The following GRID2IP variants were observed in gnomAD, a reference collection of about 807,000 sequenced individuals.
The protein encoded by GRID2IP is delphilin.
GRID2IP carries 78 observed loss-of-function variants against 114.3 expected under a neutral mutation model. The ratio of observed to expected loss-of-function variants is 0.68; its 90% CI spans 0.57 to 0.82. The LOEUF is 0.82. Ranked by LOEUF, GRID2IP falls within the 40% of genes least tolerant of loss-of-function variation. The pLI is 0.00. For synonymous variants in GRID2IP, 809 were observed against 724.0 expected, an observed-to-expected ratio of 1.12 and a Z score of -1.89; for missense variants, 1,727 against 1,678.5, an observed-to-expected ratio of 1.03 and a Z score of -0.51.
At position 6,536,803 on chromosome 7, in the gene GRID2IP, C is replaced by G. The variant is rs968962827; in HGVS notation, c.584+2915G>C. ...TCCTTTTTTCCCCTCTTCTGATTCT[C>G]CTAGCAAGGGGCTCACCCCTTACTC... On this transcript the variant is annotated intron_variant, in intron 2 of 21. Coordinates refer to ENST00000457091, the MANE Select transcript of GRID2IP (RefSeq NM_001145118.2). This position sits in a 1 kb window ranked among gnomAD's most constrained non-coding sequence, Gnocchi z 5.3. 1.4e-6 allele frequency: 1 copy of G among 702,576 alleles called. No individual in the cohort carries two copies. Among genetic ancestry groups the G allele is most frequent in the South Asian group, 1.5e-5 (1 of 67,594 alleles). The allele number at this position is 702,576 out of a possible 1,614,324, so 43.5% of individuals were successfully genotyped here.
In GRID2IP at chr7:6,532,329, G is replaced by T. The variant is rs2881724; in HGVS notation, c.585-5560C>A. 3.9e-5 allele frequency among the ~76,000 whole-genome samples: 6 copies of T among 152,028 alleles called. No homozygotes were observed. The highest frequency in any genetic ancestry group is 7.2e-5 in the African/African-American group (3 of 41,414). On this transcript the variant is annotated intron_variant, in intron 2 of 21. Coordinates refer to ENST00000457091, the MANE Select transcript of GRID2IP (RefSeq NM_001145118.2). The surrounding 1 kb of genome is among the most constrained non-coding windows in gnomAD (Gnocchi z 4.4). ...CCTCTCCAAAGACAGGCGGGAACAG[G>T]AGAGGCAAGATGCCCCGGGGACTTT...
At position 6,508,306 on chromosome 7, in the gene GRID2IP, G is replaced by T. The variant is rs1170124871; in HGVS notation, c.2223C>A (p.Thr741=). 2 of 1,550,432 alleles carry T rather than the reference G, an allele frequency of 1.3e-6. No homozygotes were observed. The highest frequency in any genetic ancestry group is 4.9e-5 in the East Asian group (2 of 40,918). The stretch of plus-strand genomic sequence containing the variant: ...GGATGTGGTCAGAGATGGAGGAGTA[G>T]GTCAGGGAGCTGCCTTCTTCACTGC... The part of the protein sequence containing the change: ...ISSSEEGSSL[T]YSSISDHIPP... The change falls in exon 13 of 22, where the codon ACC becomes ACA. Residue 741 remains threonine, a synonymous_variant. Coordinates refer to ENST00000457091, the MANE Select transcript of GRID2IP (RefSeq NM_001145118.2). The surrounding 1 kb of genome is among the most constrained non-coding windows in gnomAD (Gnocchi z 5.6).
intron 17 of GRID2IP, 53 bp from the exon 18 acceptor site, chr7:6,502,925 C>G: frequency 6.5e-7 from 1 of 1,545,152 alleles, no homozygotes; most frequent in Non-Finnish European, 8.8e-7. Flanking sequence ...CCCATCCACC[C>G]TGCTGTCTGG....
chr7:6,497,798 C>A lies in GRID2IP; in HGVS notation c.3612G>T (p.Gly1204=), dbSNP rs1786298059. The A allele has an allele frequency of 6.5e-7, 1 of 1,550,246 alleles. No individual in the cohort carries two copies. The highest frequency in any genetic ancestry group is 8.7e-7 in the Non-Finnish European group (1 of 1,146,826). ...GTCACCAGGCCAGGGGTGAAACCAT[C>A]CCGGAGCTGCGCAGGCCCTCCCCGG... is the stretch of plus-strand genomic sequence containing the variant. The part of the protein sequence containing the change: ...LQAGEGLRSS[G]MVSPLAW The change falls in exon 22 of 22, where the codon GGG becomes GGT. Residue 1204 remains glycine, a synonymous_variant. Coordinates refer to ENST00000457091, the MANE Select transcript of GRID2IP (RefSeq NM_001145118.2).
intron 11 of GRID2IP, among the ~76,000 whole-genome samples, 185 bp downstream of exon 11, chr7:6,510,098 G>A (rs1055005700): frequency 6.6e-6 from 1 of 152,164 alleles, no homozygotes; most frequent in Non-Finnish European, 1.5e-5. Flanking sequence ...CCAAAGTGCT[G>A]GGATTACAGG....
At chr7:6,517,775 C>T (rs1366845694) in intron 7 of GRID2IP, among the ~76,000 whole-genome samples, 1 of 151,652 alleles carries the variant, frequency 6.6e-6, no homozygotes, top group African/African-American at 2.4e-5. Context: ...TGGTGGTGGG[C>T]GCCTGTAATC....
chr7:6,512,164 G>A (rs1347951756), intron 8 of GRID2IP, among the ~76,000 whole-genome samples: 1 of 148,404 alleles, frequency 6.7e-6, no homozygotes, highest in Non-Finnish European at 1.5e-5. Context: ...TGATCCACCT[G>A]CCTCAGCCTC....
intron 20 of GRID2IP, among the ~76,000 whole-genome samples, chr7:6,499,741 T>G (rs560314575): frequency 2.7e-5 from 4 of 149,878 alleles, no homozygotes; most frequent in African/African-American, 9.9e-5. Flanking sequence ...TGCCTTCATT[T>G]TATTTTTGAG....
rs551392952 is a variant in GRID2IP at position 6,532,188 on chromosome 7, T to C, written c.585-5419A>G. ...TGTCTCAAGGAGTCCCGACTGCCTC[T>C]GGAGAGGCCCAGAATCAGGCCTGAG... On this transcript the variant is annotated intron_variant, in intron 2 of 21. Coordinates refer to ENST00000457091, the MANE Select transcript of GRID2IP (RefSeq NM_001145118.2). The surrounding 1 kb of genome is among the most constrained non-coding windows in gnomAD (Gnocchi z 4.4). Among the ~76,000 whole-genome samples, 3 of 152,208 alleles carry C rather than the reference T, an allele frequency of 2.0e-5. No homozygotes were observed. The East Asian group carries it at 5.8e-4, about 29-fold the overall frequency.
intron 1 of GRID2IP, 43 bp from the exon 2 acceptor site, chr7:6,539,915 T>A: frequency 6.6e-7 from 1 of 1,522,456 alleles, no homozygotes. Context: ...GGATCCAGAG[T>A]GGAACCCTGG....
At chr7:6,530,910 C>T (rs1779608594) in intron 2 of GRID2IP, among the ~76,000 whole-genome samples, 1 of 152,370 alleles carries the variant, frequency 6.6e-6, no homozygotes, top group Non-Finnish European at 1.5e-5. Flanking sequence ...TCCAACCTCC[C>T]TGGGCCTCGG....
intron 2 of GRID2IP, among the ~76,000 whole-genome samples, chr7:6,527,264 C>T (rs905098358): frequency 9.8e-5 from 15 of 152,304 alleles, no homozygotes; most frequent in African/African-American, 3.6e-4. Context: ...TGTCCAGGCC[C>T]ATCTGCAGCT....
chr7:6,521,422 G>T lies in GRID2IP; in HGVS notation c.1084+7C>A, dbSNP rs1033129487. 2.6e-6 allele frequency: 4 copies of T among 1,534,144 alleles called. No homozygotes were observed. Among genetic ancestry groups the T allele is most frequent in the Non-Finnish European group, 3.5e-6 (4 of 1,137,380 alleles). On this transcript the variant is annotated splice_region_variant and intron_variant, in intron 6 of 21. Transcript: ENST00000457091. The surrounding 1 kb of genome is among the most constrained non-coding windows in gnomAD (Gnocchi z 4.1). Reference sequence around the variant, plus strand: ...CCAAGGAAGCCAAGTGTCCATGGGGGTCTCACCACTGGCAAATGGGACGAG... The same window carrying T: ...CCAAGGAAGCCAAGTGTCCATGGGGTTCTCACCACTGGCAAATGGGACGAG...
At chr7:6,502,575 C>G (rs921256997) in intron 18 of GRID2IP, among the ~76,000 whole-genome samples, 1 of 151,718 alleles carries the variant, frequency 6.6e-6, no homozygotes, top group African/African-American at 2.4e-5. Flanking sequence ...TTTTCCAGAT[C>G]CTGGGAGTGT....
In GRID2IP at chr7:6,532,988, A is replaced by G. The variant is rs1256046049; in HGVS notation, c.585-6219T>C. Among the ~76,000 whole-genome samples, 2 of 152,172 alleles carry G rather than the reference A, an allele frequency of 1.3e-5. No homozygotes were observed. The highest frequency in any genetic ancestry group is 4.8e-5 in the African/African-American group (2 of 41,440). The stretch of plus-strand genomic sequence containing the variant: ...GACAGGCAACAGCCGGACTTCCCTG[A>G]AGTGTCTGCTCCAGCAAAAGGCACT... On this transcript the variant is annotated intron_variant, in intron 2 of 21. Transcript: ENST00000457091. This position sits in a 1 kb window ranked among gnomAD's most constrained non-coding sequence, Gnocchi z 4.4.
In GRID2IP at chr7:6,510,307, C is replaced by T; in HGVS notation, c.1747G>A (p.Gly583Ser). Residue 583 changes from glycine to serine, a missense_variant, in exon 11 of 22, where the codon GGC (glycine) becomes AGC (serine). By Grantham distance (56) the Gly-to-Ser change is moderately conservative. Transcript: ENST00000457091. ...TVSKSRASPP[G>S]PSPAVTTGPR... ...CCTGTGGTGACTGCTGGGCTGGGGC[C>T]TGGAGGGGAAGCCCGGGATTTGGAC... The T allele has an allele frequency of 1.3e-6, 2 of 1,546,840 alleles. No homozygotes were observed. The highest frequency in any genetic ancestry group is 8.7e-7 in the Non-Finnish European group (1 of 1,145,104).
In GRID2IP at chr7:6,523,654, G is replaced by A. The variant is rs1425579030; in HGVS notation, c.920-1697C>T. Among the ~76,000 whole-genome samples, 1 of 151,882 alleles carries A rather than the reference G, an allele frequency of 6.6e-6. No individual in the cohort carries two copies. The highest frequency in any genetic ancestry group is 1.5e-5 in the Non-Finnish European group (1 of 67,992). ...CATGATCATAGCTCACTACAGCCTC[G>A]AACTTCTGGGCTCAAGTGATCCTCC... On this transcript the variant is annotated intron_variant, in intron 4 of 21. Coordinates refer to ENST00000457091, the MANE Select transcript of GRID2IP (RefSeq NM_001145118.2). This position sits in a 1 kb window ranked among gnomAD's most constrained non-coding sequence, Gnocchi z 4.5.
In GRID2IP at chr7:6,506,033, T is replaced by C; in HGVS notation, c.2545-126A>G. 1.5e-6 allele frequency: 1 copy of C among 653,208 alleles called. No homozygotes were observed. The highest frequency in any genetic ancestry group is 1.8e-5 in the South Asian group (1 of 54,454). 40.5% of individuals were successfully genotyped at this position (653,208 alleles called of 1,614,324 possible). A position where few individuals can be genotyped will look rare whatever the true frequency, so the allele number is the denominator to read the frequency against. On this transcript the variant is annotated intron_variant, in intron 13 of 21. Coordinates refer to ENST00000457091, the MANE Select transcript of GRID2IP (RefSeq NM_001145118.2). This position sits in a 1 kb window ranked among gnomAD's most constrained non-coding sequence, Gnocchi z 5.2. ...CAAAAGCACCCATCAGGTGCTGGGA[T>C]AAAGCCCGGAGCAGGAGGAGACTGC...
rs367997898 is a variant in GRID2IP, at chr7:6,548,729, C to T, written c.429+2279G>A. Among the ~76,000 whole-genome samples, 4 of 151,742 alleles carry T rather than the reference C, an allele frequency of 2.6e-5. No individual in the cohort carries two copies. The East Asian group carries it at 5.8e-4, about 22-fold the overall frequency. ...TGGTGGGGTACGCCTGTAATCCCAGCTACGCGGGAGGCTGAGGCAGGAGAA... is the reference window on the plus strand; with the variant it reads ...TGGTGGGGTACGCCTGTAATCCCAGTTACGCGGGAGGCTGAGGCAGGAGAA... On this transcript the variant is annotated intron_variant, in intron 1 of 21. Coordinates refer to ENST00000457091, the MANE Select transcript of GRID2IP (RefSeq NM_001145118.2).
Sources: allele counts gnomAD v4.1 joint callset (sites outside exome capture counted in the v4.1 genomes callset), GRCh38; gene constraint gnomAD v4.1.1; non-coding constraint Gnocchi (gnomAD v3.1); transcripts MANE v1.5; gene names NCBI Gene and HGNC (gene_info 2026-07-23, HGNC 2026-07-21).